Variants in ASIC2 observed in about 807,000 individuals in gnomAD.
ASIC2 encodes acid sensing ion channel subunit 2, also known as acid-sensing ion channel 2.
ASIC2 carries 25 observed loss-of-function variants against 57.3 expected under a neutral mutation model. That is an observed-to-expected ratio of 0.44 (90% CI 0.32 to 0.61). ASIC2 has a LOEUF of 0.61. Among genes scored for constraint, ASIC2 ranks in the 20% least tolerant of loss-of-function variants. The pLI is 0.06. For missense variants in ASIC2, 641 were observed against 738.1 expected, an observed-to-expected ratio of 0.87 and a Z score of 1.52; for synonymous variants, 319 against 307.5, an observed-to-expected ratio of 1.04 and a Z score of -0.39.
At chr17:33,229,981 C>A (rs764252663) in intron 1 of ASIC2, among the ~76,000 whole-genome samples, 12 of 152,152 alleles carry the variant, frequency 7.9e-5, no homozygotes, top group Non-Finnish European at 1.6e-4. Context: ...TGTCCTGATT[C>A]TGGGATTCTG....
intron 1 of ASIC2, among the ~76,000 whole-genome samples, chr17:33,469,284 G>C (rs1323362924): frequency 6.6e-6 from 1 of 152,190 alleles, no homozygotes; most frequent in Admixed American, 6.5e-5. Context: ...GCTTAGGCTA[G>C]GCGGGCTGTG....
chr17:33,076,753 C>T (rs1365648649), intron 3 of ASIC2, among the ~76,000 whole-genome samples: 2 of 152,210 alleles, frequency 1.3e-5, no homozygotes, highest in African/African-American at 2.4e-5. Context: ...TCCAAATCTT[C>T]CTTACCCAGT....
At chr17:33,421,266 C>G (rs1179007408) in intron 1 of ASIC2, among the ~76,000 whole-genome samples, 2 of 152,172 alleles carry the variant, frequency 1.3e-5, no homozygotes, top group African/African-American at 4.8e-5. Flanking sequence ...AAATTTCCAG[C>G]TGCACAGTTT....
At chr17:33,961,101 G>A (rs1904906154) in intron 1 of ASIC2, among the ~76,000 whole-genome samples, 1 of 152,154 alleles carries the variant, frequency 6.6e-6, no homozygotes. Context: ...GTAAGAGAAA[G>A]GCACAGGGAA....
intron 1 of ASIC2, among the ~76,000 whole-genome samples, chr17:34,061,628 A>G (rs1189408702): frequency 1.3e-5 from 2 of 152,158 alleles, no homozygotes; most frequent in African/African-American, 4.8e-5. Flanking sequence ...CCTTTAGGAG[A>G]CTCACATAAC....
At chr17:33,502,756 G>A (rs190871239) in intron 1 of ASIC2, among the ~76,000 whole-genome samples, 114 of 152,144 alleles carry the variant, frequency 7.5e-4, no homozygotes, top group African/African-American at 2.6e-3. Context: ...AAATGGGTTG[G>A]CCTCAATTAT....
intron 1 of ASIC2, among the ~76,000 whole-genome samples, chr17:33,738,921 A>C (rs185609151): frequency 2.6e-5 from 4 of 152,340 alleles, no homozygotes; most frequent in African/African-American, 9.6e-5. Flanking sequence ...GCTTTGACCC[A>C]GTCTTGGAAT....
At chr17:33,607,618 C>T (rs1290312651) in intron 1 of ASIC2, among the ~76,000 whole-genome samples, 1 of 152,164 alleles carries the variant, frequency 6.6e-6, no homozygotes, top group Non-Finnish European at 1.5e-5. Context: ...TCTACATCTC[C>T]CCGATGAGGG....
chr17:34,149,539 C>A (rs867159913), intron 1 of ASIC2, among the ~76,000 whole-genome samples: 39 of 152,096 alleles, frequency 2.6e-4, no homozygotes, highest in African/African-American at 8.7e-4. Flanking sequence ...AGCTTCAAAC[C>A]CACTTTACCC....
intron 1 of ASIC2, among the ~76,000 whole-genome samples, chr17:33,531,314 C>CAGTGGGTGGGGGT (rs1915043956): frequency 6.6e-6 from 1 of 151,816 alleles, no homozygotes; most frequent in African/African-American, 2.4e-5. Context: ...GGGCAGGGGG[C>CAGTGGGTGGGGGT]AGTGGGTGGG....
intron 1 of ASIC2, among the ~76,000 whole-genome samples, chr17:33,837,726 C>CA (rs886547810): frequency 1.3e-5 from 2 of 152,090 alleles, no homozygotes; most frequent in African/African-American, 2.4e-5. Flanking sequence ...CAACGAAAAA[C>CA]AAAAAACAAA....
intron 1 of ASIC2, among the ~76,000 whole-genome samples, chr17:33,114,759 C>G (rs1025714141): frequency 2.0e-5 from 3 of 152,208 alleles, no homozygotes; most frequent in Non-Finnish European, 4.4e-5. Flanking sequence ...ATCCACCTTA[C>G]TTTACATATT....
intron 1 of ASIC2, among the ~76,000 whole-genome samples, chr17:33,607,922 C>A (rs952162982): frequency 3.9e-5 from 6 of 152,268 alleles, no homozygotes; most frequent in Middle Eastern, 3.4e-3. Flanking sequence ...AGATAGGAAG[C>A]CTTCAACCTA....
At chr17:33,313,255 A>C (rs1483497307) in intron 1 of ASIC2, among the ~76,000 whole-genome samples, 1 of 151,318 alleles carries the variant, frequency 6.6e-6, no homozygotes, top group Non-Finnish European at 1.5e-5. Context: ...TGAGCCCAGG[A>C]GTTTGTGGTT....
At chr17:33,933,826 T>C (rs1455309804) in intron 1 of ASIC2, among the ~76,000 whole-genome samples, 7 of 152,190 alleles carry the variant, frequency 4.6e-5, no homozygotes, top group Non-Finnish European at 2.9e-5. Flanking sequence ...AGACAGGCTA[T>C]CAATAATCAA....
At chr17:33,662,826 A>G (rs1291508407) in intron 1 of ASIC2, among the ~76,000 whole-genome samples, 1 of 147,320 alleles carries the variant, frequency 6.8e-6, no homozygotes, top group Non-Finnish European at 1.5e-5. Context: ...AATATGTAAG[A>G]TAAAATGAGA....
chr17:33,702,663 G>A (rs190700606), intron 1 of ASIC2, among the ~76,000 whole-genome samples: 1 of 152,188 alleles, frequency 6.6e-6, no homozygotes, highest in Non-Finnish European at 1.5e-5. Flanking sequence ...GCAGGGTTGC[G>A]AACTGGGGAG....
intron 3 of ASIC2, among the ~76,000 whole-genome samples, chr17:33,047,316 A>G (rs2091959564): frequency 6.6e-6 from 1 of 151,910 alleles, no homozygotes; most frequent in African/African-American, 2.4e-5. Flanking sequence ...CATGGGGCGG[A>G]GCTACTTTAC....
chr17:33,830,762 T>G (rs747757530), intron 1 of ASIC2, among the ~76,000 whole-genome samples: 17 of 152,168 alleles, frequency 1.1e-4, no homozygotes, highest in Non-Finnish European at 4.4e-5. Flanking sequence ...CCCCTCCCTG[T>G]GTCTATGTGT....
Sources: gnomAD v4.1 joint callset for allele counts (sites outside exome capture counted in the v4.1 genomes callset) on GRCh38, gnomAD v4.1.1 for gene constraint, MANE v1.5 for transcripts, NCBI Gene and HGNC (gene_info 2026-07-23, HGNC 2026-07-21) for gene names.